The following LAMC1 variants were observed in gnomAD, a reference collection of about 807,000 sequenced individuals.
LAMC1 encodes laminin subunit gamma 1.
Under a neutral mutation model 173.6 loss-of-function variants are expected in LAMC1, and 38 were observed. The ratio of observed to expected loss-of-function variants is 0.22; its 90% CI spans 0.17 to 0.29. The LOEUF (loss-of-function observed/expected upper bound fraction) is 0.29, where lower values mean the gene tolerates loss of function less well. Ranked by LOEUF, LAMC1 falls within the 10% of genes least tolerant of loss-of-function variation. The pLI, the probability that LAMC1 is intolerant of heterozygous loss-of-function variation, is 1.00. For synonymous variants in LAMC1, 746 were observed against 749.1 expected, an observed-to-expected ratio of 1.00 and a Z score of 0.07; for missense variants, 1,824 against 2,051.8, an observed-to-expected ratio of 0.89 and a Z score of 2.14.
At chr1:183,077,865 T>G in intron 1 of LAMC1, among the ~76,000 whole-genome samples, 1 of 150,628 alleles carries the variant, frequency 6.6e-6, no homozygotes, top group Non-Finnish European at 1.5e-5. Context: ...ATTTTGCGAT[T>G]GTGAATTGTG....
At position 183,135,627 on chromosome 1, in the gene LAMC1, G is replaced by A. The variant is rs192956781; in HGVS notation, c.4114+471G>A. 4.1e-4 allele frequency among the ~76,000 whole-genome samples: 62 copies of A among 152,200 alleles called. 2 individuals carry two copies. Among genetic ancestry groups the A allele is most frequent in the Middle Eastern group, 3.4e-3 (1 of 292 alleles). On this transcript the variant is annotated intron_variant, in intron 24 of 27. Coordinates refer to ENST00000258341, the MANE Select transcript of LAMC1 (RefSeq NM_002293.4). The stretch of plus-strand genomic sequence containing the variant: ...AAATATGGGCCAGGCACGGTGGCCT[G>A]TAATCCCAACACTTCGGGAGGAAGG...
intron 1 of LAMC1, among the ~76,000 whole-genome samples, chr1:183,048,867 G>A (rs994847289): frequency 6.6e-6 from 1 of 152,082 alleles, no homozygotes; most frequent in Non-Finnish European, 1.5e-5. Flanking sequence ...TTGTACACAG[G>A]AAGCCAAAGC....
intron 1 of LAMC1, among the ~76,000 whole-genome samples, chr1:183,032,741 T>G (rs1653878301): frequency 6.6e-6 from 1 of 152,170 alleles, no homozygotes; most frequent in Admixed American, 6.5e-5. Flanking sequence ...AGTTAAGGAC[T>G]CAGTAAATTT....
chr1:183,073,328 A>G (rs1393189967), intron 1 of LAMC1, among the ~76,000 whole-genome samples: 1 of 152,230 alleles, frequency 6.6e-6, no homozygotes, highest in Non-Finnish European at 1.5e-5. Flanking sequence ...AGAAGTTAGG[A>G]ACCACAGAAG....
chr1:183,124,853 C>G lies in LAMC1; in HGVS notation c.2624C>G (p.Pro875Arg), dbSNP rs1656578313. 1 of 1,613,990 alleles carries G rather than the reference C, an allele frequency of 6.2e-7. No homozygotes were observed. The highest frequency in any genetic ancestry group is 1.1e-5 in the South Asian group (1 of 91,088). ...KDGFFGNPLA[P>R]NPADKCKACN... ...GGATTTTTTGGAAATCCCCTGGCTCCCAATCCAGCAGACAAATGCAAAGGT... is the reference window on the plus strand; with the variant it reads ...GGATTTTTTGGAAATCCCCTGGCTCGCAATCCAGCAGACAAATGCAAAGGT... Residue 875 changes from proline (P) to arginine (R), a missense_variant, in exon 14 of 28, where the codon CCC becomes CGC. Coordinates refer to ENST00000258341, the MANE Select transcript of LAMC1 (RefSeq NM_002293.4).
In LAMC1 at chr1:183,132,668, C is replaced by G. The variant is rs1481121540; in HGVS notation, c.3704+131C>G. 4 of 703,950 alleles carry G rather than the reference C, an allele frequency of 5.7e-6. No individual in the cohort carries two copies. In the South Asian group the frequency reaches 7.2e-5, roughly 13 times the overall value. 43.6% of individuals were successfully genotyped at this position (703,950 alleles called of 1,614,324 possible). On this transcript the variant is annotated intron_variant, in intron 21 of 27. Coordinates refer to ENST00000258341, the MANE Select transcript of LAMC1 (RefSeq NM_002293.4). ...AGTAAGATTTCCTTTGTTAATCATGCTTTTGAAATGGAAAAGTAAGTAGAG... is the reference window on the plus strand; with the variant it reads ...AGTAAGATTTCCTTTGTTAATCATGGTTTTGAAATGGAAAAGTAAGTAGAG...
chr1:183,041,653 A>G (rs1654135887), intron 1 of LAMC1, among the ~76,000 whole-genome samples: 2 of 152,196 alleles, frequency 1.3e-5, no homozygotes, highest in African/African-American at 4.8e-5. Context: ...CACCTGTTAC[A>G]CAAAAGGTAC....
intron 4 of LAMC1, among the ~76,000 whole-genome samples, chr1:183,111,529 GA>G (rs1404283628): frequency 6.6e-6 from 1 of 151,608 alleles, no homozygotes; most frequent in African/African-American, 2.4e-5. Context: ...AGGTAAAAAT[GA>G]AAAAAAAGTA....
In LAMC1 at chr1:183,114,695, T is replaced by C; in HGVS notation, c.1186T>C (p.Ser396Pro). The C allele has an allele frequency of 1.2e-6, 2 of 1,614,198 alleles. No homozygotes were observed. The highest frequency in any genetic ancestry group is 1.1e-5 in the South Asian group (1 of 91,086). ...CCGCCTTGGCAACAATGAAGCCTGCTCTTCATGCCACTGTAGTCCTGTGGG... is the reference window on the plus strand; with the variant it reads ...CCGCCTTGGCAACAATGAAGCCTGCCCTTCATGCCACTGTAGTCCTGTGGG... ...FFRLGNNEAC[S>P]SCHCSPVGSL... Residue 396 changes from serine to proline, a missense_variant, in exon 5 of 28, where the codon TCT becomes CCT. Transcript: ENST00000258341.
chr1:183,097,339 G>A (rs1001255697), intron 1 of LAMC1, among the ~76,000 whole-genome samples: 2 of 152,142 alleles, frequency 1.3e-5, no homozygotes, highest in African/African-American at 4.8e-5. Context: ...TTCAAGGAGA[G>A]CATTCCTTTT....
intron 1 of LAMC1, among the ~76,000 whole-genome samples, chr1:183,100,616 A>G (rs1260777875): frequency 6.6e-6 from 1 of 152,192 alleles, no homozygotes; most frequent in Non-Finnish European, 1.5e-5. Flanking sequence ...TCCTCTAGGA[A>G]GCATTTCTTG....
chr1:183,130,409 C>T lies in LAMC1; in HGVS notation c.3346C>T (p.Arg1116Cys), dbSNP rs1232952527. The change falls in exon 19 of 28, where the codon CGT becomes TGT. Residue 1116 changes from arginine to cysteine, a missense_variant. By Grantham distance (180) the Arg-to-Cys change is radical. Coordinates refer to ENST00000258341, the MANE Select transcript of LAMC1 (RefSeq NM_002293.4). ...VNNTLSSQIS[R>C]LQNIRNTIEE... ...TAACACTCTGTCCAGCCAAATTAGC[C>T]GTTTACAGAATATCCGGAATACCAT... 5.6e-6 allele frequency: 9 copies of T among 1,614,146 alleles called. No homozygotes were observed. The highest frequency in any genetic ancestry group is 7.6e-6 in the Non-Finnish European group (9 of 1,179,998).
rs553304379 is a variant in LAMC1, at chr1:183,072,794, A to G, written c.419-30534A>G. Among the ~76,000 whole-genome samples, 4 of 152,276 alleles carry G rather than the reference A, an allele frequency of 2.6e-5. No homozygotes were observed. In the South Asian group the frequency reaches 8.3e-4, roughly 32 times the overall value. The stretch of plus-strand genomic sequence containing the variant: ...AGGTCAGCTGCAGCATTAGATTCTC[A>G]TAGGAGCATGAACCCTGTTGTGAAA... On this transcript the variant is annotated intron_variant, in intron 1 of 27. Coordinates refer to ENST00000258341, the MANE Select transcript of LAMC1 (RefSeq NM_002293.4).
intron 1 of LAMC1, among the ~76,000 whole-genome samples, chr1:183,068,985 A>G (rs2102038798): frequency 6.6e-6 from 1 of 152,232 alleles, no homozygotes; most frequent in South Asian, 2.1e-4. Flanking sequence ...ACTTTATATC[A>G]GTGGTCCCCA....
At chr1:183,141,168 T>G (rs1003463682) in intron 27 of LAMC1, 1 of 152,118 alleles carries the variant, frequency 6.6e-6, no homozygotes, top group African/African-American at 2.4e-5. Flanking sequence ...ATTTTAAAAA[T>G]TAGCTGGGTG....
chr1:183,077,909 T>A (rs1655162215), intron 1 of LAMC1, among the ~76,000 whole-genome samples: 1 of 151,672 alleles, frequency 6.6e-6, no homozygotes, highest in Non-Finnish European at 1.5e-5. Context: ...TCTTACCAGT[T>A]TTCTCTCTCA....
intron 18 of LAMC1, 122 bp downstream of exon 18, chr1:183,128,872 T>G: frequency 6.1e-6 from 4 of 659,698 alleles, no homozygotes; most frequent in Non-Finnish European, 8.9e-6. Flanking sequence ...ACTCATAGAT[T>G]ATAAATCATT....
intron 1 of LAMC1, among the ~76,000 whole-genome samples, chr1:183,066,231 A>G (rs1654869820): frequency 6.6e-6 from 1 of 152,232 alleles, no homozygotes; most frequent in African/African-American, 2.4e-5. Context: ...GTAATTGAAC[A>G]ACTAAAAGAG....
intron 1 of LAMC1, among the ~76,000 whole-genome samples, chr1:183,039,819 T>C (rs1194013169): frequency 1.3e-5 from 2 of 152,252 alleles, no homozygotes; most frequent in African/African-American, 4.8e-5. Context: ...TTTTCTGTGC[T>C]GTCTTTCATG....
Sources: gnomAD v4.1 joint callset for allele counts (sites outside exome capture counted in the v4.1 genomes callset) on GRCh38, gnomAD v4.1.1 for gene constraint, MANE v1.5 for transcripts, NCBI Gene and HGNC (gene_info 2026-07-23, HGNC 2026-07-21) for gene names.